ZCCHC4: variants seen among roughly 807,000 people sequenced by gnomAD.
ZCCHC4 encodes zinc finger CCHC-type containing 4.
In ZCCHC4, 54 loss-of-function variants were observed where a neutral mutation model predicts 67.7. The observed-to-expected ratio is 0.80, with a 90% CI of 0.64 to 1.00. The LOEUF is 1.00. ZCCHC4 is among the 50% of genes least tolerant of loss of function. The pLI, the probability that ZCCHC4 is intolerant of heterozygous loss-of-function variation, is 0.00. For synonymous variants in ZCCHC4, 198 were observed against 213.5 expected (o/e 0.93, Z 0.63); for missense variants, 609 against 617.0 (o/e 0.99, Z 0.14).
intron 3 of ZCCHC4, among the ~76,000 whole-genome samples, chr4:25,331,440 G>C (rs1719175980): frequency 6.6e-6 from 1 of 152,212 alleles, no homozygotes; most frequent in African/African-American, 2.4e-5. Context: ...AAGTAGCTGG[G>C]ACTACAGGCA....
chr4:25,359,982 A>G lies in ZCCHC4; in HGVS notation c.1012-1877A>G, dbSNP rs189013156. 1.2e-4 allele frequency among the ~76,000 whole-genome samples: 18 copies of G among 152,358 alleles called. No individual in the cohort carries two copies. The East Asian group carries it at 3.3e-3, about 28-fold the overall frequency. ...TACATTCTGGGGTTGGATATTTTAC[A>G]TGACTTGGCAGCTGTGCCGTCTATC... On this transcript the variant is annotated intron_variant, in intron 8 of 12. Transcript: ENST00000302874. The surrounding 1 kb of genome is among the most constrained non-coding windows in gnomAD (Gnocchi z 4.9).
rs187474293 is a variant in ZCCHC4, at chr4:25,327,151, G to A, written c.330-6032G>A. On this transcript the variant is annotated intron_variant, in intron 3 of 12. Transcript: ENST00000302874. ...TGTCTGTGAATAAAGAAGTTTTAAT[G>A]TTTACTTTCCAATTTATGTCTTTTG... 3.3e-5 allele frequency among the ~76,000 whole-genome samples: 5 copies of A among 152,206 alleles called. No individual in the cohort carries two copies. The East Asian group carries it at 9.6e-4, about 29-fold the overall frequency.
intron 5 of ZCCHC4, among the ~76,000 whole-genome samples, chr4:25,338,513 A>G (rs888458994): frequency 1.3e-5 from 2 of 152,208 alleles, no homozygotes; most frequent in African/African-American, 4.8e-5. Flanking sequence ...CATCACCTTC[A>G]GAAGAAGCAC....
At position 25,324,014 on chromosome 4, in the gene ZCCHC4, G is replaced by GTTTTTTTTTTTTTTTTTTTTTTTTTTTT. The variant is rs71188998; in HGVS notation, c.329+8630_329+8631insTTTTTTTTTTTTTTTTTTTTTTTTTTTT. ...TCGTACAGTATGTACTGTTTTTTGT[G>GTTTTTTTTTTTTTTTTTTTTTTTTTTTT]TTTTTTTTTTTTTTTTGAGACAGAG... On this transcript the variant is annotated intron_variant, in intron 3 of 12. Transcript: ENST00000302874. 3.5e-4 allele frequency among the ~76,000 whole-genome samples: 29 copies of GTTTTTTTTTTTTTTTTTTTTTTTTTTTT among 82,428 alleles called. 6 individuals are homozygous for GTTTTTTTTTTTTTTTTTTTTTTTTTTTT. Among genetic ancestry groups the GTTTTTTTTTTTTTTTTTTTTTTTTTTTT allele is most frequent in the Non-Finnish European group, 4.9e-4 (23 of 46,556 alleles). 54.1% of individuals were successfully genotyped at this position (82,428 alleles called of 152,430 possible).
chr4:25,330,545 A>G (rs888422864), intron 3 of ZCCHC4, among the ~76,000 whole-genome samples: 3 of 152,208 alleles, frequency 2.0e-5, no homozygotes, highest in Non-Finnish European at 2.9e-5. Context: ...CTTTTGTGGT[A>G]TCACTACAGA....
At chr4:25,318,949 A>G (rs1379843521) in intron 3 of ZCCHC4, among the ~76,000 whole-genome samples, 1 of 152,160 alleles carries the variant, frequency 6.6e-6, no homozygotes, top group East Asian at 1.9e-4. Flanking sequence ...CTAGTCATTC[A>G]TTCACTCATT....
intron 3 of ZCCHC4, among the ~76,000 whole-genome samples, chr4:25,325,236 C>T (rs146672135): frequency 0.35 from 35,882 of 103,838 alleles, 8,396 homozygotes; most frequent in Non-Finnish European, 0.51. Flanking sequence ...AGGGAGACTC[C>T]GTCTCAAAAA....
intron 3 of ZCCHC4, among the ~76,000 whole-genome samples, chr4:25,329,461 A>G (rs907785914): frequency 1.4e-5 from 2 of 140,416 alleles, no homozygotes; most frequent in Admixed American, 7.1e-5. Context: ...TGTTATTCCC[A>G]TGTAAGGTGT....
chr4:25,356,583 T>C (rs930637171), intron 8 of ZCCHC4, among the ~76,000 whole-genome samples: 1 of 151,810 alleles, frequency 6.6e-6, no homozygotes, highest in Non-Finnish European at 1.5e-5. Flanking sequence ...TTCCATCTGC[T>C]ATCTAGTATA....
chr4:25,369,875 A>G lies in ZCCHC4; in HGVS notation c.*711A>G, dbSNP rs1721079087. On this transcript the variant is annotated 3_prime_UTR_variant, in exon 13 of 13. Transcript: ENST00000302874. ...AGTATGTTAATTTAAATAGGAAAAT[A>G]TTTTATGTTAAATATGAAACAATAG... is the stretch of plus-strand genomic sequence containing the variant. The G allele has an allele frequency of 2.0e-5, 3 of 152,330 alleles. No homozygotes were observed. Among genetic ancestry groups the G allele is most frequent in the East Asian group, 1.9e-4 (1 of 5,190 alleles). 9.4% of individuals were successfully genotyped at this position (152,330 alleles called of 1,614,324 possible).
chr4:25,325,813 A>T (rs1263748816), intron 3 of ZCCHC4, among the ~76,000 whole-genome samples: 1 of 152,058 alleles, frequency 6.6e-6, no homozygotes, highest in Admixed American at 6.6e-5. Context: ...TAGGTCTATG[A>T]TCTATTCGGG....
chr4:25,369,227 G>C lies in ZCCHC4; in HGVS notation c.*63G>C, dbSNP rs1721057069. The stretch of plus-strand genomic sequence containing the variant: ...CAACCTTTGATGCCATTTTCTGAAA[G>C]TGCCACACTGGACTTAAATTCAGCT... On this transcript the variant is annotated 3_prime_UTR_variant, in exon 13 of 13. Transcript: ENST00000302874. The C allele has an allele frequency of 6.3e-7, 1 of 1,594,280 alleles. No individual in the cohort carries two copies. The highest frequency in any genetic ancestry group is 1.4e-5 in the African/African-American group (1 of 73,374).
Position 25,315,334 on chromosome 4 carries a change from T to C in ZCCHC4, c.263T>C (p.Leu88Pro). 1 of 1,612,962 alleles carries C rather than the reference T, an allele frequency of 6.2e-7. No individual in the cohort carries two copies. The highest frequency in any genetic ancestry group is 8.5e-7 in the Non-Finnish European group (1 of 1,179,332). ...WEDEKLSGAR[L>P]AAREAHNRRC... The stretch of plus-strand genomic sequence containing the variant: ...CTCTTTCAGTTGTCAGGAGCTAGAC[T>C]TGCTGCCCGAGAAGCTCATAACCGA... The change falls in exon 3 of 13, where the codon CTT (leucine) becomes CCT (proline). Residue 88 changes from leucine to proline, a missense_variant. Transcript: ENST00000302874.
intron 3 of ZCCHC4, among the ~76,000 whole-genome samples, chr4:25,331,035 G>A (rs934090444): frequency 1.3e-5 from 2 of 152,026 alleles, no homozygotes; most frequent in African/African-American, 2.4e-5. Flanking sequence ...TGGCCGCCTA[G>A]CCTCCTGGAG....
intron 8 of ZCCHC4, chr4:25,352,031 C>A (rs1161500790): frequency 3.0e-6 from 3 of 1,008,802 alleles, no homozygotes; most frequent in Non-Finnish European, 3.5e-6. Context: ...GCAGCCCCCC[C>A]ACCCCTGGTT....
chr4:25,359,295 T>C lies in ZCCHC4; in HGVS notation c.1012-2564T>C, dbSNP rs1040545849. Among the ~76,000 whole-genome samples the C allele has an allele frequency of 6.6e-6, 1 of 152,142 alleles. No homozygotes were observed. The highest frequency in any genetic ancestry group is 6.5e-5 in the Admixed American group (1 of 15,272). ...AAGTACACACCCAGTCCCTGAGGGA[T>C]GCAGTACAGATAAGGGCCCACCAGG... On this transcript the variant is annotated intron_variant, in intron 8 of 12. Transcript: ENST00000302874. The surrounding 1 kb of genome is among the most constrained non-coding windows in gnomAD (Gnocchi z 4.9).
rs1719842686 is a variant in ZCCHC4, at chr4:25,343,318, G to T, written c.687-2230G>T. 3.9e-5 allele frequency among the ~76,000 whole-genome samples: 6 copies of T among 152,108 alleles called. No homozygotes were observed. In the South Asian group the frequency reaches 1.2e-3, roughly 32 times the overall value. On this transcript the variant is annotated intron_variant, in intron 5 of 12. Coordinates refer to ENST00000302874, the MANE Select transcript of ZCCHC4 (RefSeq NM_024936.3). The stretch of plus-strand genomic sequence containing the variant: ...GAAATGTGCTAACAGTGTCTTAAAT[G>T]ACATTAAAGGATATTGTACCGAGAA...
rs1720635804 is a variant in ZCCHC4 at position 25,359,415 on chromosome 4, G to T, written c.1012-2444G>T. Among the ~76,000 whole-genome samples the T allele has an allele frequency of 6.6e-6, 1 of 152,146 alleles. No individual in the cohort carries two copies. The highest frequency in any genetic ancestry group is 2.4e-5 in the African/African-American group (1 of 41,430). ...ACCTCCAGGCACAGGCGGGGCACCTGGAGGCTCGGCTACAGAGCTTGGAAA... is the reference window on the plus strand; with the variant it reads ...ACCTCCAGGCACAGGCGGGGCACCTTGAGGCTCGGCTACAGAGCTTGGAAA... On this transcript the variant is annotated intron_variant, in intron 8 of 12. Transcript: ENST00000302874. The surrounding 1 kb of genome is among the most constrained non-coding windows in gnomAD (Gnocchi z 4.9).
At chr4:25,315,814 A>G (rs1417967648) in intron 3 of ZCCHC4, among the ~76,000 whole-genome samples, 1 of 151,608 alleles carries the variant, frequency 6.6e-6, no homozygotes, top group Admixed American at 6.6e-5. Flanking sequence ...CCTGGGCTCA[A>G]CCAGTCCTCC....
Sources: gnomAD v4.1 joint callset for allele counts (sites outside exome capture counted in the v4.1 genomes callset) on GRCh38, gnomAD v4.1.1 for gene constraint, Gnocchi (gnomAD v3.1) non-coding constraint, MANE v1.5 for transcripts, NCBI Gene and HGNC (gene_info 2026-07-23, HGNC 2026-07-21) for gene names.